The following RIF1 variants were observed in gnomAD, a reference collection of about 807,000 sequenced individuals.
RIF1 encodes replication timing regulatory factor 1.
RIF1 carries 45 observed loss-of-function variants against 247.1 expected under a neutral mutation model. The ratio of observed to expected loss-of-function variants is 0.18; its 90% CI spans 0.14 to 0.23. RIF1 has a LOEUF of 0.23. RIF1 is among the 10% of genes least tolerant of loss of function. RIF1 has a pLI of 1.00. For synonymous variants in RIF1, 1,087 were observed against 978.8 expected (o/e 1.11, Z -2.06); for missense variants, 2,967 against 2,862.5 (o/e 1.04, Z -0.83).
At chr2:151,422,719 T>G (rs1286999023) in intron 7 of RIF1, among the ~76,000 whole-genome samples, 1 of 151,886 alleles carries the variant, frequency 6.6e-6, no homozygotes, top group East Asian at 1.9e-4. Context: ...AGGCCAGTCT[T>G]GAACTCCTGA....
chr2:151,522,063 C>T, the RIF1 span, among the ~76,000 whole-genome samples: 5 of 152,102 alleles, frequency 3.3e-5, no homozygotes, highest in African/African-American at 1.2e-4. Context: ...TGCCATGTCT[C>T]GGCAAGTGGC....
At chr2:151,530,472 G>T in the RIF1 span, among the ~76,000 whole-genome samples, 1 of 152,170 alleles carries the variant, frequency 6.6e-6, no homozygotes, top group East Asian at 1.9e-4. Context: ...TGTTCCGAGG[G>T]AGCCATAGTG....
the RIF1 span, chr2:151,524,384 C>G: frequency 2.5e-6 from 4 of 1,613,950 alleles, 1 homozygote; most frequent in South Asian, 4.4e-5. Context: ...GCCATGGCTG[C>G]CTTCCTTGCG....
intron 8 of RIF1, among the ~76,000 whole-genome samples, chr2:151,424,565 G>A (rs138425600): frequency 6.6e-6 from 1 of 152,262 alleles, no homozygotes; most frequent in Non-Finnish European, 1.5e-5. Context: ...AAACACCAGT[G>A]TACAAATCTG....
intron 8 of RIF1, among the ~76,000 whole-genome samples, chr2:151,427,798 C>T (rs958661573): frequency 4.0e-5 from 6 of 151,874 alleles, no homozygotes; most frequent in African/African-American, 1.5e-4. Context: ...GGCATGGTGG[C>T]TCACGCCTGT....
At chr2:151,417,329 CTT>C (rs1010406788) in intron 6 of RIF1, among the ~76,000 whole-genome samples, 8 of 152,232 alleles carry the variant, frequency 5.3e-5, no homozygotes, top group Admixed American at 2.6e-4. Context: ...AGTGTAAACT[CTT>C]TGATGACATT....
the RIF1 span, chr2:151,534,101 C>A: frequency 1.3e-6 from 1 of 781,560 alleles, no homozygotes; most frequent in Non-Finnish European, 2.1e-6. Flanking sequence ...TGAAACAGAA[C>A]AACCCAATAT....
In RIF1 at chr2:151,440,127, G is replaced by T. The variant is rs151107720; in HGVS notation, c.1647G>T (p.Leu549=). 2,482 of 1,495,150 alleles carry T rather than the reference G, an allele frequency of 1.7e-3. 36 individuals are homozygous for T. The East Asian group carries it at 0.032, about 19-fold the overall frequency. 92.6% of individuals were successfully genotyped at this position (1,495,150 alleles called of 1,614,324 possible). A position where few individuals can be genotyped will look rare whatever the true frequency, so the allele number is the denominator to read the frequency against. The change falls in exon 15 of 36, where the codon CTG becomes CTT. Residue 549 remains leucine, a splice_region_variant and synonymous_variant. Coordinates refer to ENST00000444746, the MANE Select transcript of RIF1 (RefSeq NM_018151.5). ...KSEVFPVSKT[L]VLMEITIKGL... ...AAGTATTTCCTGTATCAAAAACGCT[G>T]GTAAGTATAATACCCGTATGTTGGA... is the stretch of plus-strand genomic sequence containing the variant.
intron 13 of RIF1, chr2:151,507,122 T>C: frequency 2.9e-6 from 2 of 694,424 alleles, no homozygotes; most frequent in South Asian, 3.6e-5. Flanking sequence ...TAAAAAAAAG[T>C]CTATGCACAA....
intron 8 of RIF1, among the ~76,000 whole-genome samples, chr2:151,424,498 T>A (rs1346311645): frequency 6.6e-6 from 1 of 152,252 alleles, no homozygotes; most frequent in African/African-American, 2.4e-5. Context: ...TTTGTTTATC[T>A]GTTGAGAGAC....
At chr2:151,490,043 T>G (rs748525509) in intron 9 of RIF1, 1 of 1,613,102 alleles carries the variant, frequency 6.2e-7, no homozygotes, top group South Asian at 1.1e-5. Flanking sequence ...ATGATCGTTG[T>G]TGTGGGAGCT....
At chr2:151,525,210 G>C in the RIF1 span, 5 of 1,613,952 alleles carry the variant, frequency 3.1e-6, no homozygotes, top group South Asian at 5.5e-5. Context: ...ACCTCTGGTG[G>C]CTCCAGCATG....
chr2:151,524,279 A>G, the RIF1 span: 120 of 1,569,048 alleles, frequency 7.6e-5, no homozygotes, highest in Non-Finnish European at 1.0e-4. Context: ...ATCTCCTCAC[A>G]TGAGAGCCAC....
intron 8 of RIF1, among the ~76,000 whole-genome samples, chr2:151,427,420 A>C (rs1323043402): frequency 3.3e-5 from 5 of 151,538 alleles, no homozygotes; most frequent in Non-Finnish European, 7.4e-5. Context: ...CATATTGGTC[A>C]GGCTGGTCTC....
intron 7 of RIF1, among the ~76,000 whole-genome samples, chr2:151,421,865 G>A (rs1443865427): frequency 1.3e-5 from 2 of 148,328 alleles, no homozygotes; most frequent in African/African-American, 2.5e-5. Context: ...AGACAGTTTC[G>A]CAATTGTTGC....
chr2:151,472,199 G>A (rs1376464770), intron 34 of RIF1, among the ~76,000 whole-genome samples: 5 of 152,168 alleles, frequency 3.3e-5, no homozygotes, highest in Non-Finnish European at 7.3e-5. Flanking sequence ...ATGAATGCTT[G>A]TGATTTTTGC....
At chr2:151,440,589 G>A (rs1410690465) in intron 15 of RIF1, among the ~76,000 whole-genome samples, 6 of 151,980 alleles carry the variant, frequency 3.9e-5, no homozygotes, top group Non-Finnish European at 8.8e-5. Flanking sequence ...TTGAGGATAT[G>A]GGCATCTCAA....
At chr2:151,437,898 A>G (rs891673762) in intron 13 of RIF1, among the ~76,000 whole-genome samples, 6 of 152,172 alleles carry the variant, frequency 3.9e-5, no homozygotes, top group Admixed American at 1.3e-4. Flanking sequence ...GTCAAGCTCT[A>G]TGGCTCTAGC....
chr2:151,431,976 C>T (rs916692306), intron 9 of RIF1, among the ~76,000 whole-genome samples: 1 of 152,058 alleles, frequency 6.6e-6, no homozygotes, highest in African/African-American at 2.4e-5. Flanking sequence ...AATACATGGC[C>T]TGATTGATGT....
Sources: gnomAD v4.1 joint callset for allele counts (sites outside exome capture counted in the v4.1 genomes callset) on GRCh38, gnomAD v4.1.1 for gene constraint, MANE v1.5 for transcripts, NCBI Gene and HGNC (gene_info 2026-07-23, HGNC 2026-07-21) for gene names.